Variants in CHAF1A observed in about 807,000 individuals in gnomAD.
The protein encoded by CHAF1A is chromatin assembly factor 1 subunit A.
Under a neutral mutation model 93.2 loss-of-function variants are expected in CHAF1A, and 5 were observed. That is an observed-to-expected ratio of 0.05 (90% CI 0.03 to 0.11). The LOEUF (loss-of-function observed/expected upper bound fraction) is 0.11. Ranked by LOEUF, CHAF1A falls within the 10% of genes least tolerant of loss-of-function variation. CHAF1A has a pLI of 1.00. For synonymous variants in CHAF1A, 504 were observed against 510.3 expected (o/e 0.99, Z 0.17); for missense variants, 1,102 against 1,259.9 (o/e 0.87, Z 1.90).
At chr19:4,431,660 C>A (rs1974185121) in intron 11 of CHAF1A, among the ~76,000 whole-genome samples, 1 of 152,092 alleles carries the variant, frequency 6.6e-6, no homozygotes, top group South Asian at 2.1e-4. Flanking sequence ...TGTTAAACGG[C>A]TCCACGATCA....
chr19:4,402,903 G>A, intron 1 of CHAF1A, 89 bp downstream of exon 1: 1 of 824,122 alleles, frequency 1.2e-6, no homozygotes, highest in Non-Finnish European at 1.6e-6. Flanking sequence ...ACGGGCCTCC[G>A]GGCGCCAAGC....
In CHAF1A at chr19:4,433,368, C is replaced by G; in HGVS notation, c.2502C>G (p.Pro834=). The change falls in exon 13 of 15, where the codon CCC becomes CCG. Residue 834 remains proline, a synonymous_variant. Coordinates refer to ENST00000301280, the MANE Select transcript of CHAF1A (RefSeq NM_005483.3). This position sits in a 1 kb window ranked among gnomAD's most constrained non-coding sequence, Gnocchi z 5.6. ...VLQSFQQEHL[P]VPCQWSYVTS... Reference sequence around the variant, plus strand: ...AGAGCTTCCAGCAGGAGCACCTGCCCGTGCCGTGCCAGTGGAGCTATGTGA... The same window carrying G: ...AGAGCTTCCAGCAGGAGCACCTGCCGGTGCCGTGCCAGTGGAGCTATGTGA... 1 of 1,612,836 alleles carries G rather than the reference C, an allele frequency of 6.2e-7. No individual in the cohort carries two copies. Among genetic ancestry groups the G allele is most frequent in the Non-Finnish European group, 8.5e-7 (1 of 1,178,930 alleles).
rs1450385715 is a variant in CHAF1A at position 4,408,457 on chromosome 19, C to T, written c.104-446C>T. ...TCCGCCTGCCTTGGCCTCCCGCACC[C>T]GGCCTTTTTTTTTTTTTTTTTTTTT... On this transcript the variant is annotated intron_variant, in intron 2 of 14. Transcript: ENST00000301280. Among the ~76,000 whole-genome samples, 17 of 64,902 alleles carry T rather than the reference C, an allele frequency of 2.6e-4. No individual in the cohort carries two copies. In the South Asian group the frequency reaches 9.2e-3, roughly 35 times the overall value. The allele number at this position is 64,902 out of a possible 152,430, so 42.6% of individuals were successfully genotyped here.
chr19:4,432,758 T>A (rs1186165717), intron 12 of CHAF1A, among the ~76,000 whole-genome samples: 23 of 135,926 alleles, frequency 1.7e-4, no homozygotes, highest in Non-Finnish European at 1.6e-4. Flanking sequence ...AGACCCTGTC[T>A]AAAAAAAAAA....
chr19:4,411,643 TC>T, intron 3 of CHAF1A, among the ~76,000 whole-genome samples: 1 of 106,054 alleles, frequency 9.4e-6, no homozygotes. Flanking sequence ...ATGGTGCAAA[TC>T]TTTTTTTTTT....
At chr19:4,412,936 C>T (rs1342763306) in intron 3 of CHAF1A, among the ~76,000 whole-genome samples, 1 of 152,208 alleles carries the variant, frequency 6.6e-6, no homozygotes, top group African/African-American at 2.4e-5. Flanking sequence ...TCCTCATGCC[C>T]TGATGGCAGG....
chr19:4,429,526 A>G lies in CHAF1A; in HGVS notation c.1693A>G (p.Asn565Asp). The G allele has an allele frequency of 6.2e-7, 1 of 1,613,708 alleles. No homozygotes were observed. The highest frequency in any genetic ancestry group is 8.5e-7 in the Non-Finnish European group (1 of 1,179,912). ...GATGAAGCTCCTGCAGTTCTGTGAG[A>G]ACCACCGGCCTGCCTACTGGGGTAC... ...GRMKLLQFCENHRPAYWGTWN... is the reference protein window; with the variant it reads ...GRMKLLQFCEDHRPAYWGTWN... Residue 565 changes from asparagine (N) to aspartate (D), a missense_variant, in exon 9 of 15, where the codon AAC (asparagine) becomes GAC (aspartate). Physicochemically the swap from Asn to Asp is conservative, Grantham distance 23 (BLOSUM62 1). Around this residue, in one of 6 missense-constraint regions of CHAF1A, gnomAD observed 335 missense variants for 361.9 expected, o/e 0.93. Transcript: ENST00000301280.
chr19:4,425,508 C>T (rs1974065376), intron 7 of CHAF1A, among the ~76,000 whole-genome samples: 1 of 152,064 alleles, frequency 6.6e-6, no homozygotes, highest in Non-Finnish European at 1.5e-5. Flanking sequence ...CCCATCTCAG[C>T]CTCCCTAATT....
downstream of CHAF1A, chr19:4,446,636 C>A (rs766574310): frequency 6.2e-7 from 1 of 1,612,484 alleles, no homozygotes. Context: ...GGCTCCGCAG[C>A]CAGCAGCTGT....
In CHAF1A at chr19:4,409,859, C is replaced by T. The variant is rs568391367; in HGVS notation, c.960+100C>T. 1.7e-3 allele frequency: 2,270 copies of T among 1,367,328 alleles called. 6 individuals are homozygous for T. The highest frequency in any genetic ancestry group is 2.1e-3 in the Non-Finnish European group (2,076 of 1,009,190). The allele number at this position is 1,367,328 out of a possible 1,614,324, so 84.7% of individuals were successfully genotyped here. A position where few individuals can be genotyped will look rare whatever the true frequency, so the allele number is the denominator to read the frequency against. ...CCCAGGTGTTTTGTGGCAGAGTGAG[C>T]GGGGCCACGGGCTGGGTCCTGGGAC... On this transcript the variant is annotated intron_variant, in intron 3 of 14. Coordinates refer to ENST00000301280, the MANE Select transcript of CHAF1A (RefSeq NM_005483.3).
In CHAF1A at chr19:4,435,112, A is replaced by T. The variant is rs111873811; in HGVS notation, c.2673+1573A>T. Among the ~76,000 whole-genome samples the T allele has an allele frequency of 4.9e-3, 142 of 28,930 alleles. No homozygotes were observed. In the Middle Eastern group the frequency reaches 0.1, roughly 20 times the overall value. 19.0% of individuals were successfully genotyped at this position (28,930 alleles called of 152,430 possible). On this transcript the variant is annotated intron_variant, in intron 13 of 14. Transcript: ENST00000301280. ...CTTTTTTTTTTTTTTTTTTTTTTTG[A>T]GACAGTCTCGCGCTGTTGCCCGGGC...
intron 4 of CHAF1A, among the ~76,000 whole-genome samples, chr19:4,418,637 G>A (rs956662470): frequency 1.3e-5 from 2 of 151,826 alleles, no homozygotes; most frequent in African/African-American, 2.4e-5. Flanking sequence ...GGATGGTCTC[G>A]ATCTCCTGAC....
intron 1 of CHAF1A, among the ~76,000 whole-genome samples, chr19:4,405,644 A>G (rs1353922461): frequency 2.7e-5 from 4 of 150,142 alleles, no homozygotes; most frequent in Admixed American, 1.3e-4. Context: ...TTTGGCCCAT[A>G]TAATTCTTCA....
intron 2 of CHAF1A, among the ~76,000 whole-genome samples, chr19:4,408,359 A>AT (rs1205805222): frequency 6.9e-6 from 1 of 145,268 alleles, no homozygotes; most frequent in African/African-American, 2.6e-5. Flanking sequence ...CACCCGGCTA[A>AT]TTTTTTGTAC....
At chr19:4,434,600 T>G (rs1302549221) in intron 13 of CHAF1A, among the ~76,000 whole-genome samples, 1 of 152,198 alleles carries the variant, frequency 6.6e-6, no homozygotes, top group Non-Finnish European at 1.5e-5. Flanking sequence ...GCATCGTGTG[T>G]GGCTCCTTTG....
At position 4,433,617 on chromosome 19, in the gene CHAF1A, T is replaced by C. The variant is rs192990821; in HGVS notation, c.2673+78T>C. 475 of 1,213,222 alleles carry C rather than the reference T, an allele frequency of 3.9e-4. 3 individuals carry two copies. In the East Asian group the frequency reaches 9.1e-3, roughly 23 times the overall value. 75.2% of individuals were successfully genotyped at this position (1,213,222 alleles called of 1,614,324 possible). On this transcript the variant is annotated intron_variant, in intron 13 of 14. Coordinates refer to ENST00000301280, the MANE Select transcript of CHAF1A (RefSeq NM_005483.3). This position sits in a 1 kb window ranked among gnomAD's most constrained non-coding sequence, Gnocchi z 5.6. ...TGTTTTTTGTTGTTTTGTTTTTTTT[T>C]CGAGATGGAGTCCTGCTCTGTCACC... is the stretch of plus-strand genomic sequence containing the variant.
rs976693644 is a variant in CHAF1A at position 4,437,256 on chromosome 19, G to GT, written c.2673+3725dup. On this transcript the variant is annotated intron_variant, in intron 13 of 14. Coordinates refer to ENST00000301280, the MANE Select transcript of CHAF1A (RefSeq NM_005483.3). ...CCTGGGGAGCAGGGTCTGGTCCTGTGTTTTTTTTCAGAGCTTGTGTGGGGA... is the reference window on the plus strand; with the variant it reads ...CCTGGGGAGCAGGGTCTGGTCCTGTGTTTTTTTTTCAGAGCTTGTGTGGGGA... 9.2e-5 allele frequency among the ~76,000 whole-genome samples: 14 copies of GT among 152,044 alleles called. No homozygotes were observed. The East Asian group carries it at 2.3e-3, about 25-fold the overall frequency.
chr19:4,428,152 CT>C (rs1388118330), intron 7 of CHAF1A, among the ~76,000 whole-genome samples: 3 of 150,154 alleles, frequency 2.0e-5, no homozygotes, highest in African/African-American at 4.9e-5. Context: ...GCCACTGCCC[CT>C]GGCCTAATTT....
chr19:4,446,496 C>A, downstream of CHAF1A: 2 of 1,605,212 alleles, frequency 1.2e-6, no homozygotes, highest in Non-Finnish European at 1.7e-6. Context: ...GACGTCAGGC[C>A]CACCTGAGCC....
Sources: gnomAD v4.1 joint callset for allele counts (sites outside exome capture counted in the v4.1 genomes callset) on GRCh38, gnomAD v4.1.1 for gene constraint, gnomAD v4.1.1 regional missense constraint, Gnocchi (gnomAD v3.1) non-coding constraint, MANE v1.5 for transcripts, NCBI Gene and HGNC (gene_info 2026-07-23, HGNC 2026-07-21) for gene names.